The following TESPA1 variants were observed in gnomAD, a reference collection of about 807,000 sequenced individuals.
TESPA1 encodes the protein protein TESPA1.
A neutral mutation model predicts 57.9 loss-of-function variants in TESPA1; 33 were observed. The ratio of observed to expected loss-of-function variants is 0.57; its 90% CI spans 0.43 to 0.76. The LOEUF is 0.76. TESPA1 is among the 30% of genes least tolerant of loss of function. The pLI is 0.00. For missense variants in TESPA1, 618 were observed against 632.9 expected (o/e 0.98, Z 0.25); for synonymous variants, 227 against 228.9 (o/e 0.99, Z 0.07).
chr12:54,959,982 G>A (rs1223424142), intron 10 of TESPA1, among the ~76,000 whole-genome samples: 1 of 152,194 alleles, frequency 6.6e-6, no homozygotes, highest in African/African-American at 2.4e-5. Context: ...TAAAACCACA[G>A]AGAATTAGAA....
At chr12:54,967,032 A>T in intron 5 of TESPA1, 151 bp downstream of exon 5, 1 of 801,768 alleles carries the variant, frequency 1.2e-6, no homozygotes, top group Non-Finnish European at 2.0e-6. Context: ...TGCATTTTAC[A>T]TTAGATAATA....
At chr12:54,967,927 TTAC>T in intron 3 of TESPA1, 35 bp from the exon 4 acceptor site, 1 of 1,612,842 alleles carries the variant, frequency 6.2e-7, no homozygotes, top group Non-Finnish European at 8.5e-7. Flanking sequence ...TTGAAGTCAC[TTAC>T]TACATTTTCC....
At chr12:54,957,558 T>C (rs1259258357) in intron 10 of TESPA1, among the ~76,000 whole-genome samples, 1 of 152,154 alleles carries the variant, frequency 6.6e-6, no homozygotes, top group African/African-American at 2.4e-5. Context: ...TAAAGGGTAA[T>C]AGAGGAGTGG....
intron 5 of TESPA1, among the ~76,000 whole-genome samples, 190 bp downstream of exon 5, chr12:54,966,993 G>A (rs1319788015): frequency 6.6e-6 from 1 of 152,108 alleles, no homozygotes; most frequent in Admixed American, 6.5e-5. Flanking sequence ...AGGCTGATGA[G>A]GAGGTGTTTC....
intron 1 of TESPA1, among the ~76,000 whole-genome samples, chr12:54,978,107 G>A (rs559685314): frequency 1.7e-3 from 258 of 151,900 alleles, no homozygotes; most frequent in Admixed American, 3.3e-3. Context: ...GAATTAAAAA[G>A]CGAGTGCACA....
intron 1 of TESPA1, 102 bp downstream of exon 1, chr12:54,984,483 C>T (rs1952426295): frequency 6.6e-6 from 1 of 152,212 alleles, no homozygotes; most frequent in Non-Finnish European, 1.5e-5. Context: ...TTGATTTTCC[C>T]TTGACTTGAC....
chr12:54,974,344 G>C, intron 2 of TESPA1, 56 bp downstream of exon 2: 2 of 1,485,392 alleles, frequency 1.3e-6, no homozygotes, highest in Non-Finnish European at 1.8e-6. Context: ...ACCTGGGCCT[G>C]CTGTCACCTT....
At chr12:54,976,169 A>G (rs1461850074) in intron 1 of TESPA1, among the ~76,000 whole-genome samples, 2 of 152,210 alleles carry the variant, frequency 1.3e-5, no homozygotes, top group Non-Finnish European at 2.9e-5. Context: ...GATAATGTCC[A>G]TTAAATCGTG....
At chr12:54,979,217 A>G (rs201424598) in intron 1 of TESPA1, among the ~76,000 whole-genome samples, 1 of 150,572 alleles carries the variant, frequency 6.6e-6, no homozygotes, top group African/African-American at 2.5e-5. Flanking sequence ...TAAAAAAAAT[A>G]TTTTCCAGAG....
intron 10 of TESPA1, among the ~76,000 whole-genome samples, chr12:54,959,907 C>T (rs1950972295): frequency 6.6e-6 from 1 of 152,118 alleles, no homozygotes; most frequent in Admixed American, 6.6e-5. Context: ...TAAATACATA[C>T]ATATGATTCA....
At chr12:54,973,031 G>A (rs1198114901) in intron 3 of TESPA1, among the ~76,000 whole-genome samples, 1 of 152,192 alleles carries the variant, frequency 6.6e-6, no homozygotes, top group Non-Finnish European at 1.5e-5. Context: ...TGCTTTGAAT[G>A]ACTGTCATAA....
intron 1 of TESPA1, among the ~76,000 whole-genome samples, 179 bp downstream of exon 1, chr12:54,984,406 C>A (rs760683594): frequency 1.3e-5 from 2 of 152,202 alleles, no homozygotes; most frequent in African/African-American, 4.8e-5. Context: ...GGGCACCCAG[C>A]ATCGTTCTCC....
rs561916591 is a variant in TESPA1 at position 54,950,181 on chromosome 12, A to G, written c.*211T>C. 88 of 442,324 alleles carry G rather than the reference A, an allele frequency of 2.0e-4. 1 individual carries two copies. The highest frequency in any genetic ancestry group is 8.9e-4 in the South Asian group (56 of 62,784). 27.4% of individuals were successfully genotyped at this position (442,324 alleles called of 1,614,324 possible). ...GGTCTTTGTGCATGCAGCTTGTGGCAGCATTAGGATGTGGATTCCAAATCG... is the reference window on the plus strand; with the variant it reads ...GGTCTTTGTGCATGCAGCTTGTGGCGGCATTAGGATGTGGATTCCAAATCG... On this transcript the variant is annotated 3_prime_UTR_variant, in exon 11 of 11. Coordinates refer to ENST00000449076, the MANE Select transcript of TESPA1 (RefSeq NM_001136030.3).
At position 54,963,042 on chromosome 12, in the gene TESPA1, C is replaced by A; in HGVS notation, c.856G>T (p.Ala286Ser). 6.2e-7 allele frequency: 1 copy of A among 1,613,788 alleles called. No homozygotes were observed. The highest frequency in any genetic ancestry group is 2.2e-5 in the East Asian group (1 of 44,880). The part of the protein sequence containing the change: ...PQSPRDRLRK[A>S]ISKMCLYTCP... ...GTGTACAGACACATCTTGGAGATGG[C>A]TTTCCGAAGGCGGTCTCTGGGTGAC... is the stretch of plus-strand genomic sequence containing the variant. The change falls in exon 9 of 11, where the codon GCC becomes TCC. Residue 286 changes from alanine to serine, a missense_variant. Coordinates refer to ENST00000449076, the MANE Select transcript of TESPA1 (RefSeq NM_001136030.3).
intron 10 of TESPA1, among the ~76,000 whole-genome samples, chr12:54,955,466 ATT>A (rs368831981): frequency 0.2 from 31,136 of 151,964 alleles, 5,416 homozygotes; most frequent in East Asian, 0.84. Flanking sequence ...TATGAGGTTT[ATT>A]TTTTTCTTTG....
Position 54,967,956 on chromosome 12 carries a change from G to T in TESPA1, c.207-64C>A, listed in dbSNP as rs761871475. The T allele has an allele frequency of 6.2e-6, 10 of 1,608,020 alleles. No homozygotes were observed. In the Admixed American group the frequency reaches 1.5e-4, roughly 24 times the overall value. On this transcript the variant is annotated intron_variant, in intron 3 of 10. Transcript: ENST00000449076. Reference sequence around the variant, plus strand: ...TACATTTTCCAAGGAGCTTTTTCATGGAAAAACTCACACATATTCATATTC... The same window carrying T: ...TACATTTTCCAAGGAGCTTTTTCATTGAAAAACTCACACATATTCATATTC...
chr12:54,981,403 CT>C (rs563174551), intron 1 of TESPA1, among the ~76,000 whole-genome samples: 46 of 125,836 alleles, frequency 3.7e-4, no homozygotes, highest in African/African-American at 1.3e-3. Flanking sequence ...AAAAGTCTTT[CT>C]TTCCTGGGGC....
In TESPA1 at chr12:54,967,825, G is replaced by T. The variant is rs953469752; in HGVS notation, c.256+18C>A. The T allele has an allele frequency of 7.4e-6, 12 of 1,613,350 alleles. No individual in the cohort carries two copies. The highest frequency in any genetic ancestry group is 1.0e-5 in the Non-Finnish European group (12 of 1,179,572). The stretch of plus-strand genomic sequence containing the variant: ...TCTCCAGGTAGAAGAAAAATAGATG[G>T]ACAGAACCTATACTCACCATTGTAG... On this transcript the variant is annotated intron_variant, in intron 4 of 10. Transcript: ENST00000449076.
At chr12:54,957,255 G>A (rs1950790365) in intron 10 of TESPA1, among the ~76,000 whole-genome samples, 3 of 152,132 alleles carry the variant, frequency 2.0e-5, no homozygotes, top group Admixed American at 6.5e-5. Flanking sequence ...AACGCTACAC[G>A]GTGGCTGGCT....
Sources: gnomAD v4.1 joint callset for allele counts (sites outside exome capture counted in the v4.1 genomes callset) on GRCh38, gnomAD v4.1.1 for gene constraint, MANE v1.5 for transcripts, NCBI Gene and HGNC (gene_info 2026-07-23, HGNC 2026-07-21) for gene names.